RANBP9: variants seen among roughly 807,000 people sequenced by gnomAD.
RANBP9 encodes ran-binding protein 9.
RANBP9 carries 15 observed loss-of-function variants against 84.3 expected under a neutral mutation model. The ratio of observed to expected loss-of-function variants is 0.18; its 90% CI spans 0.12 to 0.27. RANBP9 has a LOEUF of 0.27. Among genes scored for constraint, RANBP9 ranks in the 10% least tolerant of loss-of-function variants. The pLI is 1.00. For missense variants in RANBP9, 809 were observed against 912.8 expected, an observed-to-expected ratio of 0.89 and a Z score of 1.46; for synonymous variants, 392 against 349.6, an observed-to-expected ratio of 1.12 and a Z score of -1.35.
At chr6:13,679,804 A>AGATGC (rs1257820963) in intron 2 of RANBP9, among the ~76,000 whole-genome samples, 4 of 152,188 alleles carry the variant, frequency 2.6e-5, no homozygotes, top group African/African-American at 9.6e-5. Flanking sequence ...ATGGAGACTG[A>AGATGC]GATGCGTTTT....
chr6:13,678,286 T>C (rs1765943766), intron 2 of RANBP9, among the ~76,000 whole-genome samples: 2 of 152,212 alleles, frequency 1.3e-5, no homozygotes, highest in Non-Finnish European at 2.9e-5. Flanking sequence ...GAGAAAGCTA[T>C]GGTTCTCAAA....
chr6:13,652,111 A>G (rs1354948760), intron 5 of RANBP9, among the ~76,000 whole-genome samples: 1 of 152,112 alleles, frequency 6.6e-6, no homozygotes, highest in African/African-American at 2.4e-5. Flanking sequence ...CTTGTGTCCT[A>G]CCGTTGGTAT....
chr6:13,681,318 T>C (rs1020507230), intron 2 of RANBP9, among the ~76,000 whole-genome samples: 12 of 133,268 alleles, frequency 9.0e-5, no homozygotes, highest in South Asian at 6.9e-4. Flanking sequence ...GTGGTTGTTA[T>C]GTAATTTTAG....
intron 1 of RANBP9, among the ~76,000 whole-genome samples, chr6:13,705,119 T>C (rs758540729): frequency 6.6e-6 from 1 of 152,132 alleles, no homozygotes; most frequent in Non-Finnish European, 1.5e-5. Flanking sequence ...ATATATATCA[T>C]TAGGCTGGGT....
At chr6:13,648,286 TACAGCCACATGCCA>T (rs1765219390) in intron 5 of RANBP9, among the ~76,000 whole-genome samples, 1 of 151,428 alleles carries the variant, frequency 6.6e-6, no homozygotes, top group African/African-American at 2.4e-5. Context: ...AGTATGGGAC[TACAGCCACATGCCA>T]CCACTCCTGG....
At chr6:13,695,964 T>G (rs1766434378) in intron 2 of RANBP9, among the ~76,000 whole-genome samples, 1 of 151,234 alleles carries the variant, frequency 6.6e-6, no homozygotes, top group Non-Finnish European at 1.5e-5. Context: ...AAGCTTTGTC[T>G]TGGTAACTCA....
intron 2 of RANBP9, among the ~76,000 whole-genome samples, chr6:13,695,387 A>G (rs1766417983): frequency 6.8e-6 from 1 of 147,272 alleles, no homozygotes; most frequent in Non-Finnish European, 1.5e-5. Context: ...CAATAGTGAA[A>G]CCACCAACCA....
intron 2 of RANBP9, among the ~76,000 whole-genome samples, chr6:13,686,576 T>C (rs1766195927): frequency 6.6e-6 from 1 of 151,852 alleles, no homozygotes; most frequent in South Asian, 2.1e-4. Context: ...TGAGCCACCA[T>C]GCCCAGCCTA....
At chr6:13,678,634 A>G (rs1245786493) in intron 2 of RANBP9, among the ~76,000 whole-genome samples, 2 of 152,138 alleles carry the variant, frequency 1.3e-5, no homozygotes, top group Admixed American at 6.6e-5. Flanking sequence ...AAACTCTTCA[A>G]TCCTCAACTG....
chr6:13,679,621 T>A (rs1286015771), intron 2 of RANBP9, among the ~76,000 whole-genome samples: 1 of 152,210 alleles, frequency 6.6e-6, no homozygotes, highest in African/African-American at 2.4e-5. Flanking sequence ...TAAAATTATT[T>A]ATATTTTAAT....
At chr6:13,646,872 A>G (rs1446673277) in intron 5 of RANBP9, among the ~76,000 whole-genome samples, 1 of 152,214 alleles carries the variant, frequency 6.6e-6, no homozygotes, top group African/African-American at 2.4e-5. Flanking sequence ...GGCAATTTGT[A>G]GAAGAAATAA....
chr6:13,622,576 CTT>C, intron 13 of RANBP9, 84 bp from the exon 14 acceptor site: 1 of 1,364,846 alleles, frequency 7.3e-7, no homozygotes, highest in South Asian at 1.6e-5. Flanking sequence ...ACTGCAATGA[CTT>C]TAAAAACTAC....
intron 12 of RANBP9, among the ~76,000 whole-genome samples, chr6:13,627,648 A>T (rs1228656927): frequency 6.6e-6 from 1 of 151,804 alleles, no homozygotes; most frequent in Non-Finnish European, 1.5e-5. Context: ...AAAAAAAAAA[A>T]AAAAAATCAC....
In RANBP9 at chr6:13,711,559, T is replaced by C; in HGVS notation, c.-54A>G. The C allele has an allele frequency of 8.1e-7, 1 of 1,229,650 alleles. No homozygotes were observed. Among genetic ancestry groups the C allele is most frequent in the Non-Finnish European group, 1.0e-6 (1 of 979,392 alleles). 76.2% of individuals were successfully genotyped at this position (1,229,650 alleles called of 1,614,324 possible). On this transcript the variant is annotated 5_prime_UTR_variant, in exon 1 of 14. Transcript: ENST00000011619. ...TCCACCTCTTCTCTCCTTCCTCCTC[T>C]GCTTCCCGGGGGCGCTGTCGCTGCG...
intron 1 of RANBP9, among the ~76,000 whole-genome samples, chr6:13,697,230 TGAGA>T (rs1584948046): frequency 1.3e-5 from 2 of 152,310 alleles, no homozygotes; most frequent in South Asian, 2.1e-4. Flanking sequence ...ATGAAGAACA[TGAGA>T]GAAAGATCTC....
chr6:13,684,579 G>A lies in RANBP9; in HGVS notation c.683+12206C>T, dbSNP rs554945451. Among the ~76,000 whole-genome samples the A allele has an allele frequency of 7.2e-5, 11 of 152,166 alleles. No individual in the cohort carries two copies. In the South Asian group the frequency reaches 1.0e-3, roughly 14 times the overall value. On this transcript the variant is annotated intron_variant, in intron 2 of 13. Coordinates refer to ENST00000011619, the MANE Select transcript of RANBP9 (RefSeq NM_005493.3). ...GTAAAAAATTGTAAGTATGTAAACC[G>A]CTGTCACAAATTTGTGGTTTTAAAT...
In RANBP9 at chr6:13,684,098, A is replaced by T. The variant is rs992170920; in HGVS notation, c.683+12687T>A. Among the ~76,000 whole-genome samples, 4 of 152,306 alleles carry T rather than the reference A, an allele frequency of 2.6e-5. No homozygotes were observed. The East Asian group carries it at 7.7e-4, about 29-fold the overall frequency. Reference sequence around the variant, plus strand: ...TGCACAGCAAGTGCTAGGGGATTACAAAAGAAAAGATGTTATTATCCCTAC... The same window carrying T: ...TGCACAGCAAGTGCTAGGGGATTACTAAAGAAAAGATGTTATTATCCCTAC... On this transcript the variant is annotated intron_variant, in intron 2 of 13. Coordinates refer to ENST00000011619, the MANE Select transcript of RANBP9 (RefSeq NM_005493.3).
rs1206326043 is a variant in RANBP9 at position 13,641,427 on chromosome 6, TTCTTTC to T, written c.1226-126_1226-121del. The T allele has an allele frequency of 6.4e-6, 4 of 625,164 alleles. No individual in the cohort carries two copies. The African/African-American group carries it at 7.8e-5, about 12-fold the overall frequency. The allele number at this position is 625,164 out of a possible 1,614,324, so 38.7% of individuals were successfully genotyped here. A position where few individuals can be genotyped will look rare whatever the true frequency, so the allele number is the denominator to read the frequency against. On this transcript the variant is annotated intron_variant, in intron 7 of 13. Coordinates refer to ENST00000011619, the MANE Select transcript of RANBP9 (RefSeq NM_005493.3). ...TAAATAAATTATGATTAATTTCAAT[TTCTTTC>T]TCTAACATCATAGTTTCCATTAGGC... is the stretch of plus-strand genomic sequence containing the variant.
At chr6:13,659,618 A>G (rs1765496017) in intron 2 of RANBP9, among the ~76,000 whole-genome samples, 1 of 152,206 alleles carries the variant, frequency 6.6e-6, no homozygotes, top group African/African-American at 2.4e-5. Flanking sequence ...AAGGAAAAAC[A>G]AAATAAAAAG....
Sources: allele counts gnomAD v4.1 joint callset (sites outside exome capture counted in the v4.1 genomes callset), GRCh38; gene constraint gnomAD v4.1.1; transcripts MANE v1.5; gene names NCBI Gene and HGNC (gene_info 2026-07-23, HGNC 2026-07-21).